Variants in TNIK observed in about 807,000 individuals in gnomAD.
TNIK encodes the protein TRAF2 and NCK interacting kinase.
TNIK carries 49 observed loss-of-function variants against 191.3 expected under a neutral mutation model. The observed-to-expected ratio is 0.26, with a 90% CI of 0.20 to 0.32. The LOEUF (loss-of-function observed/expected upper bound fraction) is 0.32. TNIK is among the 10% of genes least tolerant of loss of function. TNIK has a pLI of 1.00. For synonymous variants in TNIK, 594 were observed against 600.9 expected, an observed-to-expected ratio of 0.99 and a Z score of 0.17; for missense variants, 1,155 against 1,702.3, an observed-to-expected ratio of 0.68 and a Z score of 5.66.
At chr3:171,456,406 A>G (rs1448621299) in intron 1 of TNIK, among the ~76,000 whole-genome samples, 3 of 152,230 alleles carry the variant, frequency 2.0e-5, no homozygotes, top group Non-Finnish European at 4.4e-5. Context: ...ACACATTTTC[A>G]TACACCCACG....
At chr3:171,244,135 G>T (rs1745319275) in intron 2 of TNIK, among the ~76,000 whole-genome samples, 1 of 150,116 alleles carries the variant, frequency 6.7e-6, no homozygotes, top group Non-Finnish European at 1.5e-5. Flanking sequence ...TGCGATCTCG[G>T]CTCACTGCAA....
chr3:171,339,226 A>C (rs1343822103), intron 2 of TNIK, among the ~76,000 whole-genome samples: 3 of 152,174 alleles, frequency 2.0e-5, no homozygotes, highest in Admixed American at 6.5e-5. Flanking sequence ...GCAAATCTTC[A>C]CTGTTTGGAC....
intron 2 of TNIK, among the ~76,000 whole-genome samples, chr3:171,242,363 G>A (rs144132683): frequency 3.9e-5 from 6 of 152,234 alleles, no homozygotes; most frequent in African/African-American, 9.6e-5. Flanking sequence ...TAGGCATATG[G>A]TCAAAGACTC....
chr3:171,243,724 T>C (rs989646653), intron 2 of TNIK, among the ~76,000 whole-genome samples: 1 of 152,214 alleles, frequency 6.6e-6, no homozygotes, highest in Non-Finnish European at 1.5e-5. Flanking sequence ...TAGAGGAAGG[T>C]TTATAAAAAT....
At chr3:171,216,388 G>A (rs1741456064) in intron 3 of TNIK, among the ~76,000 whole-genome samples, 1 of 152,124 alleles carries the variant, frequency 6.6e-6, no homozygotes, top group African/African-American at 2.4e-5. Flanking sequence ...AAATTAGAAA[G>A]AAATTTAAAG....
chr3:171,193,465 G>A (rs578123687), intron 5 of TNIK, among the ~76,000 whole-genome samples: 1 of 152,076 alleles, frequency 6.6e-6, no homozygotes, highest in Non-Finnish European at 1.5e-5. Flanking sequence ...ATTTATTAAG[G>A]TCTTCTTTAA....
intron 2 of TNIK, among the ~76,000 whole-genome samples, chr3:171,350,628 A>G (rs1438154442): frequency 4.7e-5 from 7 of 150,488 alleles, no homozygotes; most frequent in Non-Finnish European, 1.0e-4. Context: ...ATGCCCAAAG[A>G]AACTCAATCC....
At chr3:171,170,344 A>G (rs1560211057) in intron 9 of TNIK, among the ~76,000 whole-genome samples, 1 of 152,186 alleles carries the variant, frequency 6.6e-6, no homozygotes, top group Non-Finnish European at 1.5e-5. Flanking sequence ...TGCTGGAAAG[A>G]TTGTTACATT....
At chr3:171,175,174 G>C in intron 9 of TNIK, 78 bp downstream of exon 9, 1 of 1,326,508 alleles carries the variant, frequency 7.5e-7, no homozygotes, top group Admixed American at 1.9e-5. Flanking sequence ...GCAGGACCTA[G>C]GGATTAGAGC....
intron 2 of TNIK, among the ~76,000 whole-genome samples, chr3:171,266,839 C>A (rs776388448): frequency 6.6e-6 from 1 of 152,172 alleles, no homozygotes; most frequent in African/African-American, 2.4e-5. Context: ...TAAGTTAAAC[C>A]GGCTTCCTTC....
At chr3:171,179,595 G>A (rs1034451879) in intron 7 of TNIK, among the ~76,000 whole-genome samples, 1 of 152,106 alleles carries the variant, frequency 6.6e-6, no homozygotes, top group Non-Finnish European at 1.5e-5. Context: ...GGGACTACAG[G>A]TGCCTGCCAC....
intron 18 of TNIK, among the ~76,000 whole-genome samples, chr3:171,119,448 C>T (rs1727309887): frequency 1.3e-5 from 2 of 152,180 alleles, no homozygotes; most frequent in Admixed American, 6.5e-5. Flanking sequence ...TGGGTATATA[C>T]CCAAAGGATT....
At chr3:171,333,888 A>G (rs1292743188) in intron 2 of TNIK, among the ~76,000 whole-genome samples, 1 of 152,142 alleles carries the variant, frequency 6.6e-6, no homozygotes. Context: ...CCAACTGCGT[A>G]TTTGTCTTTT....
At chr3:171,429,646 G>T (rs1220863202) in intron 1 of TNIK, among the ~76,000 whole-genome samples, 1 of 152,116 alleles carries the variant, frequency 6.6e-6, no homozygotes, top group Non-Finnish European at 1.5e-5. Flanking sequence ...AATACAGCAA[G>T]AATCACTTCT....
chr3:171,378,269 A>G (rs1402731047), intron 1 of TNIK, among the ~76,000 whole-genome samples: 1 of 152,210 alleles, frequency 6.6e-6, no homozygotes, highest in Non-Finnish European at 1.5e-5. Context: ...GCGGTATAGC[A>G]TAATAGTGAA....
intron 2 of TNIK, among the ~76,000 whole-genome samples, chr3:171,258,318 ATAAG>A (rs1278920113): frequency 6.6e-6 from 1 of 152,242 alleles, no homozygotes; most frequent in African/African-American, 2.4e-5. Flanking sequence ...TTCAGCATCA[ATAAG>A]TAAGAAATCT....
intron 2 of TNIK, among the ~76,000 whole-genome samples, chr3:171,344,171 T>C (rs1711769560): frequency 6.6e-6 from 1 of 152,176 alleles, no homozygotes. Flanking sequence ...CTTTATATGA[T>C]TGCAGCACAG....
At chr3:171,351,925 T>G (rs1386541314) in intron 2 of TNIK, among the ~76,000 whole-genome samples, 1 of 152,232 alleles carries the variant, frequency 6.6e-6, no homozygotes, top group Non-Finnish European at 1.5e-5. Flanking sequence ...ACCCTGGATT[T>G]ATGCCAAGGA....
At chr3:171,362,981 T>G (rs1450798139) in intron 2 of TNIK, among the ~76,000 whole-genome samples, 1 of 152,138 alleles carries the variant, frequency 6.6e-6, no homozygotes, top group Non-Finnish European at 1.5e-5. Flanking sequence ...TAGTCTACAC[T>G]CTCACCATCC....
Sources: allele counts gnomAD v4.1 joint callset (sites outside exome capture counted in the v4.1 genomes callset), GRCh38; gene constraint gnomAD v4.1.1; transcripts MANE v1.5; gene names NCBI Gene and HGNC (gene_info 2026-07-23, HGNC 2026-07-21).